RFX3: variants seen among roughly 807,000 people sequenced by gnomAD.
The protein encoded by RFX3 is regulatory factor X3.
In RFX3, 14 loss-of-function variants were observed where a neutral mutation model predicts 98.6. The observed-to-expected ratio is 0.14, with a 90% confidence interval of 0.09 to 0.22. The LOEUF (loss-of-function observed/expected upper bound fraction) is 0.22. Among genes scored for constraint, RFX3 ranks in the 10% least tolerant of loss-of-function variants. The pLI, the probability that RFX3 is intolerant of heterozygous loss-of-function variation, is 1.00. For missense variants in RFX3, 639 were observed against 926.9 expected (o/e 0.69, Z 4.03); for synonymous variants, 383 against 328.4 (o/e 1.17, Z -1.80).
chr9:3,255,676 G>C (rs1233987953), intron 14 of RFX3, among the ~76,000 whole-genome samples: 1 of 152,160 alleles, frequency 6.6e-6, no homozygotes, highest in East Asian at 1.9e-4. Flanking sequence ...ATATATGGTA[G>C]AGACACTGAC....
At chr9:3,369,995 A>ATTTTTTTTTTTTTTT (rs71324244) in intron 2 of RFX3, among the ~76,000 whole-genome samples, 1 of 132,616 alleles carries the variant, frequency 7.5e-6, no homozygotes, top group African/African-American at 2.9e-5. Context: ...CGCCCGGCTA[A>ATTTTTTTTTTTTTTT]TTTTTTTTTT....
chr9:3,377,702 T>C (rs1212189217), intron 2 of RFX3, among the ~76,000 whole-genome samples: 1 of 152,114 alleles, frequency 6.6e-6, no homozygotes, highest in East Asian at 1.9e-4. Flanking sequence ...TTCCTAGAAT[T>C]TGGATGGGAG....
intron 1 of RFX3, among the ~76,000 whole-genome samples, chr9:3,407,019 C>T (rs887780781): frequency 1.2e-4 from 18 of 152,142 alleles, no homozygotes; most frequent in East Asian, 1.2e-3. Flanking sequence ...GGATTCAGAT[C>T]CAATGCTCTA....
intron 4 of RFX3, among the ~76,000 whole-genome samples, chr9:3,320,510 C>G (rs1203460190): frequency 6.6e-6 from 1 of 151,372 alleles, no homozygotes; most frequent in Non-Finnish European, 1.5e-5. Flanking sequence ...CGAGATCAAA[C>G]CACCGCGTTC....
At chr9:3,299,303 A>T (rs999685674) in intron 5 of RFX3, among the ~76,000 whole-genome samples, 2 of 151,788 alleles carry the variant, frequency 1.3e-5, no homozygotes, top group Non-Finnish European at 2.9e-5. Context: ...GATAAATCTC[A>T]GAAACATTAA....
chr9:3,229,252 C>T (rs1197978185), intron 15 of RFX3, among the ~76,000 whole-genome samples: 1 of 152,214 alleles, frequency 6.6e-6, no homozygotes, highest in Admixed American at 6.5e-5. Context: ...TCAAGCAGGA[C>T]ACATCAGCTC....
chr9:3,486,582 T>TTCATTATTCAGAGTTC (rs1564164318), intron 1 of RFX3, among the ~76,000 whole-genome samples: 1 of 152,198 alleles, frequency 6.6e-6, no homozygotes, highest in African/African-American at 2.4e-5. Context: ...AATGAAACTT[T>TTCATTATTCAGAGTTC]ATTAGTTCAG....
At chr9:3,370,104 G>C (rs917041442) in intron 2 of RFX3, among the ~76,000 whole-genome samples, 5 of 149,140 alleles carry the variant, frequency 3.4e-5, no homozygotes. Flanking sequence ...GCCTCCCAGA[G>C]TGCTGGGATT....
At chr9:3,276,716 T>A (rs1262120637) in intron 8 of RFX3, among the ~76,000 whole-genome samples, 1 of 151,982 alleles carries the variant, frequency 6.6e-6, no homozygotes, top group Non-Finnish European at 1.5e-5. Flanking sequence ...TACCTTCTAC[T>A]TATCTTGACC....
intron 6 of RFX3, among the ~76,000 whole-genome samples, chr9:3,288,623 A>G (rs1337083497): frequency 6.6e-6 from 1 of 152,082 alleles, no homozygotes; most frequent in African/African-American, 2.4e-5. Context: ...AAATTAGTTA[A>G]CAGGCCAATA....
At chr9:3,384,435 C>T (rs1183820499) in intron 2 of RFX3, among the ~76,000 whole-genome samples, 1 of 152,186 alleles carries the variant, frequency 6.6e-6, no homozygotes, top group Non-Finnish European at 1.5e-5. Context: ...GCTGTCAAGA[C>T]CAAGTGGCTA....
At chr9:3,497,685 ACATCT>A (rs527609711) in intron 1 of RFX3, among the ~76,000 whole-genome samples, 1 of 150,666 alleles carries the variant, frequency 6.6e-6, no homozygotes, top group Non-Finnish European at 1.5e-5. Context: ...TCACTGACAA[ACATCT>A]CTACCTCAAG....
chr9:3,334,311 G>T (rs1563943317), intron 3 of RFX3, among the ~76,000 whole-genome samples: 1 of 151,168 alleles, frequency 6.6e-6, no homozygotes, highest in Non-Finnish European at 1.5e-5. Context: ...AAGAAGCCAT[G>T]GAAAAGGCAG....
chr9:3,329,754 G>A lies in RFX3; in HGVS notation c.474+505C>T, dbSNP rs180721497. ...ATATTAAGTTAATAATAATACAGGT[G>A]GCATGAGAAAATGGCAAAACTTACA... On this transcript the variant is annotated intron_variant, in intron 4 of 16. Transcript: ENST00000617270. 8.2e-4 allele frequency among the ~76,000 whole-genome samples: 125 copies of A among 152,222 alleles called. 1 individual carries two copies. Among genetic ancestry groups the A allele is most frequent in the Non-Finnish European group, 1.5e-3 (100 of 67,994 alleles).
intron 15 of RFX3, chr9:3,246,950 C>T: frequency 1.8e-6 from 1 of 566,682 alleles, no homozygotes; most frequent in Non-Finnish European, 2.2e-6. Context: ...TTTATTTATA[C>T]TAGAATATTA....
chr9:3,291,667 A>G (rs555396553), intron 6 of RFX3, among the ~76,000 whole-genome samples: 165 of 152,282 alleles, frequency 1.1e-3, no homozygotes, highest in African/African-American at 3.8e-3. Context: ...ATCTTTCGTT[A>G]TAGGGGTCCT....
chr9:3,373,708 G>A (rs1344242581), intron 2 of RFX3, among the ~76,000 whole-genome samples: 2 of 152,078 alleles, frequency 1.3e-5, no homozygotes, highest in African/African-American at 4.8e-5. Flanking sequence ...GCCAAAAGCA[G>A]GAGGACAAAA....
intron 9 of RFX3, among the ~76,000 whole-genome samples, chr9:3,271,508 C>T (rs1024769878): frequency 1.4e-5 from 2 of 141,688 alleles, no homozygotes; most frequent in Non-Finnish European, 3.1e-5. Context: ...TTCCTTCCTT[C>T]CTTCCCTCCC....
intron 7 of RFX3, among the ~76,000 whole-genome samples, chr9:3,286,474 C>T (rs2920361): frequency 1.3e-5 from 2 of 151,560 alleles, no homozygotes; most frequent in South Asian, 2.1e-4. Context: ...ATATAATAGC[C>T]AACCTTGAAC....
Sources: gnomAD v4.1 joint callset for allele counts (sites outside exome capture counted in the v4.1 genomes callset) on GRCh38, gnomAD v4.1.1 for gene constraint, MANE v1.5 for transcripts, NCBI Gene and HGNC (gene_info 2026-07-23, HGNC 2026-07-21) for gene names.